Variants in TAC1 observed in about 807,000 individuals in gnomAD.
TAC1 encodes tachykinin precursor 1.
TAC1 carries 12 observed loss-of-function variants against 21.7 expected under a neutral mutation model. The observed-to-expected ratio is 0.55, with a 90% CI of 0.35 to 0.89. TAC1 has a LOEUF of 0.89. TAC1 is among the 40% of genes least tolerant of loss of function. The pLI is 0.01. For synonymous variants in TAC1, 52 were observed against 52.0 expected, an observed-to-expected ratio of 1.00 and a Z score of 0.00; for missense variants, 128 against 151.4, an observed-to-expected ratio of 0.85 and a Z score of 0.81.
At chr7:97,734,429 CGGTT>C in intron 4 of TAC1, 137 bp downstream of exon 4, 1 of 706,182 alleles carries the variant, frequency 1.4e-6, no homozygotes, top group Non-Finnish European at 2.4e-6. Flanking sequence ...CACTCTCTCT[CGGTT>C]TCTCTCTCTC....
chr7:97,735,481 G>A (rs943190611), intron 5 of TAC1, among the ~76,000 whole-genome samples: 1 of 152,118 alleles, frequency 6.6e-6, no homozygotes, highest in Non-Finnish European at 1.5e-5. Flanking sequence ...CTCAGTTAAT[G>A]GAACCGGAGT....
chr7:97,733,165 C>T (rs1050378054), intron 2 of TAC1: 5 of 179,192 alleles, frequency 2.8e-5, no homozygotes, highest in African/African-American at 9.4e-5. Flanking sequence ...GATTGGAGGG[C>T]CGGAGGCTGG....
chr7:97,739,205 G>A (rs1789645508), intron 6 of TAC1, among the ~76,000 whole-genome samples: 1 of 151,842 alleles, frequency 6.6e-6, no homozygotes, highest in African/African-American at 2.4e-5. Context: ...TTTTAGTCTT[G>A]AGGGCAGTCC....
In TAC1 at chr7:97,732,891, C is replaced by T. The variant is rs1330449062; in HGVS notation, c.123+156C>T. 1 of 1,023,408 alleles carries T rather than the reference C, an allele frequency of 9.8e-7. No individual in the cohort carries two copies. The highest frequency in any genetic ancestry group is 1.4e-6 in the Non-Finnish European group (1 of 723,764). The allele number at this position is 1,023,408 out of a possible 1,614,324, so 63.4% of individuals were successfully genotyped here. On this transcript the variant is annotated intron_variant, in intron 2 of 6. Transcript: ENST00000319273. This position sits in a 1 kb window ranked among gnomAD's most constrained non-coding sequence, Gnocchi z 6.2. ...GAGGATGGAAAGGGGCACTATTTCC[C>T]GGGTTCCCCACGGGATTTTGTGCCC...
chr7:97,734,955 T>C (rs1184039920), intron 5 of TAC1, 106 bp downstream of exon 5: 1 of 856,178 alleles, frequency 1.2e-6, no homozygotes, highest in Admixed American at 2.5e-5. Flanking sequence ...TAGGGCTTAA[T>C]ATGTTTAATG....
At chr7:97,733,609 A>C in intron 2 of TAC1, 114 bp from the exon 3 acceptor site, 1 of 949,474 alleles carries the variant, frequency 1.1e-6, no homozygotes, top group Non-Finnish European at 1.6e-6. Context: ...GAGCGTGGGG[A>C]AGGCCGCCTC....
intron 5 of TAC1, among the ~76,000 whole-genome samples, chr7:97,735,061 GA>G (rs139741258): frequency 2.6e-5 from 4 of 151,780 alleles, no homozygotes; most frequent in Non-Finnish European, 5.9e-5. Flanking sequence ...TATTAAAAAA[GA>G]AAAAAATGTC....
At chr7:97,739,580 C>T (rs1357792275) in intron 6 of TAC1, among the ~76,000 whole-genome samples, 1 of 151,962 alleles carries the variant, frequency 6.6e-6, no homozygotes, top group Non-Finnish European at 1.5e-5. Context: ...TCTGCCACTG[C>T]TTGAGAAAGC....
At chr7:97,738,153 C>G (rs1051527131) in intron 6 of TAC1, among the ~76,000 whole-genome samples, 1 of 151,880 alleles carries the variant, frequency 6.6e-6, no homozygotes, top group Non-Finnish European at 1.5e-5. Context: ...GTGATATGAT[C>G]CACAGTCAAT....
rs1584417054 is a variant in TAC1, at chr7:97,734,900, T to C, written c.289+51T>C. ...TATCAAATTTAAATGTAAAATTATA[T>C]TGAATTTCACTTTATTTATCTTACC... On this transcript the variant is annotated intron_variant, in intron 5 of 6. Coordinates refer to ENST00000319273, the MANE Select transcript of TAC1 (RefSeq NM_003182.3). 2.9e-6 allele frequency: 4 copies of C among 1,394,986 alleles called. No homozygotes were observed. The East Asian group carries it at 9.5e-5, about 33-fold the overall frequency. The allele number at this position is 1,394,986 out of a possible 1,614,324, so 86.4% of individuals were successfully genotyped here.
chr7:97,732,878 G>A lies in TAC1; in HGVS notation c.123+143G>A. 3 of 1,105,572 alleles carry A rather than the reference G, an allele frequency of 2.7e-6. No homozygotes were observed. Among genetic ancestry groups the A allele is most frequent in the Non-Finnish European group, 3.8e-6 (3 of 792,242 alleles). 68.5% of individuals were successfully genotyped at this position (1,105,572 alleles called of 1,614,324 possible). ...CGGTTGCGTGCGAGAGGATGGAAAG[G>A]GGCACTATTTCCCGGGTTCCCCACG... On this transcript the variant is annotated intron_variant, in intron 2 of 6. Transcript: ENST00000319273. The surrounding 1 kb of genome is among the most constrained non-coding windows in gnomAD (Gnocchi z 6.2).
chr7:97,735,197 AACAAAC>A (rs970608423), intron 5 of TAC1, among the ~76,000 whole-genome samples: 1 of 152,170 alleles, frequency 6.6e-6, no homozygotes, highest in Admixed American at 6.6e-5. Flanking sequence ...CAAACAAACA[AACAAAC>A]ACGAAACCCC....
At position 97,732,669 on chromosome 7, in the gene TAC1, A is replaced by G. The variant is rs1164382297; in HGVS notation, c.57A>G (p.Ala19=). The G allele has an allele frequency of 6.2e-7, 1 of 1,613,952 alleles. No homozygotes were observed. Among genetic ancestry groups the G allele is most frequent in the Non-Finnish European group, 8.5e-7 (1 of 1,180,032 alleles). Residue 19 remains alanine, a synonymous_variant, in exon 2 of 7, where the codon GCA becomes GCG. Coordinates refer to ENST00000319273, the MANE Select transcript of TAC1 (RefSeq NM_003182.3). This position sits in a 1 kb window ranked among gnomAD's most constrained non-coding sequence, Gnocchi z 6.2. The part of the protein sequence containing the change: ...VFFLVSTQLF[A]EEIGANDDLN... ...TTCTTGTCTCCACTCAGCTGTTTGC[A>G]GAAGAAATAGGAGCCAATGATGATC...
At chr7:97,735,210 C>G (rs1007018152) in intron 5 of TAC1, among the ~76,000 whole-genome samples, 1 of 151,986 alleles carries the variant, frequency 6.6e-6, no homozygotes, top group African/African-American at 2.4e-5. Context: ...AAACACGAAA[C>G]CCCCACAAGC....
Position 97,733,996 on chromosome 7 carries a change from G to T in TAC1, c.220+177G>T, listed in dbSNP as rs1053538206. 6.8e-5 allele frequency: 48 copies of T among 709,208 alleles called. 1 individual carries two copies. The highest frequency in any genetic ancestry group is 5.5e-5 in the Admixed American group (2 of 36,216). The allele number at this position is 709,208 out of a possible 1,614,324, so 43.9% of individuals were successfully genotyped here. A position where few individuals can be genotyped will look rare whatever the true frequency, so the allele number is the denominator to read the frequency against. On this transcript the variant is annotated intron_variant, in intron 3 of 6. Coordinates refer to ENST00000319273, the MANE Select transcript of TAC1 (RefSeq NM_003182.3). ...TAAGGCACGCACGGGCCCGCGGGGG[G>T]AGGGAAAGATCTGGTTCGCATGCCT...
In TAC1 at chr7:97,739,062, T is replaced by A. The variant is rs1026991764; in HGVS notation, c.344-812T>A. Among the ~76,000 whole-genome samples the A allele has an allele frequency of 3.4e-5, 5 of 149,218 alleles. No individual in the cohort carries two copies. In the Admixed American group the frequency reaches 3.4e-4, roughly 10 times the overall value. On this transcript the variant is annotated intron_variant, in intron 6 of 6. Transcript: ENST00000319273. ...GTCCAGATAATCAATGTATTTAAATTACTTGCTAGCTATATGTTAAATACC... is the reference window on the plus strand; with the variant it reads ...GTCCAGATAATCAATGTATTTAAATAACTTGCTAGCTATATGTTAAATACC...
chr7:97,733,643 A>G lies in TAC1; in HGVS notation c.124-80A>G. On this transcript the variant is annotated intron_variant, in intron 2 of 6. Transcript: ENST00000319273. ...TCCCCACGCCTCGGGGCCGGAGTACAGCGGGGGGAAGGGCTCGGGTTGCTG... is the reference window on the plus strand; with the variant it reads ...TCCCCACGCCTCGGGGCCGGAGTACGGCGGGGGGAAGGGCTCGGGTTGCTG... 4.2e-6 allele frequency: 6 copies of G among 1,419,322 alleles called. No homozygotes were observed. In the South Asian group the frequency reaches 5.8e-5, roughly 14 times the overall value. 87.9% of individuals were successfully genotyped at this position (1,419,322 alleles called of 1,614,324 possible).
At chr7:97,735,500 A>G (rs1418762368) in intron 5 of TAC1, among the ~76,000 whole-genome samples, 3 of 152,202 alleles carry the variant, frequency 2.0e-5, no homozygotes, top group Admixed American at 2.0e-4. Context: ...GTTGACAAGA[A>G]GTGGAAAGGG....
chr7:97,734,984 G>A, intron 5 of TAC1, 135 bp downstream of exon 5: 1 of 635,772 alleles, frequency 1.6e-6, no homozygotes, highest in Non-Finnish European at 2.7e-6. Flanking sequence ...ATAAGAATGG[G>A]GGAGATTCAT....
Sources: gnomAD v4.1 joint callset for allele counts (sites outside exome capture counted in the v4.1 genomes callset) on GRCh38, gnomAD v4.1.1 for gene constraint, Gnocchi (gnomAD v3.1) non-coding constraint, MANE v1.5 for transcripts, NCBI Gene and HGNC (gene_info 2026-07-23, HGNC 2026-07-21) for gene names.